PRMT8: variants seen among roughly 807,000 people sequenced by gnomAD.
The protein encoded by PRMT8 is protein arginine methyltransferase 8.
PRMT8 carries 7 observed loss-of-function variants against 47.1 expected under a neutral mutation model. That is an observed-to-expected ratio of 0.15 (90% CI 0.08 to 0.28). The LOEUF is 0.28. Ranked by LOEUF, PRMT8 falls within the 10% of genes least tolerant of loss-of-function variation. PRMT8 has a pLI of 1.00. For synonymous variants in PRMT8, 188 were observed against 186.5 expected, an observed-to-expected ratio of 1.01 and a Z score of -0.07; for missense variants, 237 against 505.4, an observed-to-expected ratio of 0.47 and a Z score of 5.09.
At chr12:3,573,996 T>G (rs996672763) in intron 6 of PRMT8, 2 of 152,190 alleles carry the variant, frequency 1.3e-5, no homozygotes, top group African/African-American at 4.8e-5. Context: ...AAAAAAAATC[T>G]AATCCCTTGG....
intron 1 of PRMT8, among the ~76,000 whole-genome samples, chr12:3,430,987 C>T (rs1372801836): frequency 6.6e-6 from 1 of 152,144 alleles, no homozygotes; most frequent in Non-Finnish European, 1.5e-5. Flanking sequence ...GGCAGGTGTG[C>T]TGGAGGTGAG....
chr12:3,555,640 C>T (rs1313428881), intron 4 of PRMT8, among the ~76,000 whole-genome samples: 3 of 152,094 alleles, frequency 2.0e-5, no homozygotes, highest in Non-Finnish European at 4.4e-5. Flanking sequence ...TGGAATAAGT[C>T]GCAAGCAAGA....
intron 1 of PRMT8, among the ~76,000 whole-genome samples, chr12:3,478,952 C>T (rs577483136): frequency 6.6e-6 from 1 of 152,334 alleles, no homozygotes; most frequent in African/African-American, 2.4e-5. Flanking sequence ...CTGTTGGAGG[C>T]TGTACGTGCT....
Position 3,572,580 on chromosome 12 carries a change from G to C in PRMT8, c.712+3016G>C, listed in dbSNP as rs1178425492. Among the ~76,000 whole-genome samples, 1 of 152,218 alleles carries C rather than the reference G, an allele frequency of 6.6e-6. No individual in the cohort carries two copies. Among genetic ancestry groups the C allele is most frequent in the Non-Finnish European group, 1.5e-5 (1 of 68,034 alleles). ...GGCCCTCTTGGATGGCTCAGCTGCT[G>C]TCTGTGGGCTTCACTTCCACTCATG... On this transcript the variant is annotated intron_variant, in intron 6 of 9. Coordinates refer to ENST00000382622, the MANE Select transcript of PRMT8 (RefSeq NM_019854.5). This position sits in a 1 kb window ranked among gnomAD's most constrained non-coding sequence, Gnocchi z 5.9.
At chr12:3,382,916 T>C (rs1864106465) in intron 1 of PRMT8, among the ~76,000 whole-genome samples, 2 of 152,228 alleles carry the variant, frequency 1.3e-5, no homozygotes, top group African/African-American at 2.4e-5. Flanking sequence ...GGGAGCTTTT[T>C]TCTCTTGTAG....
intron 1 of PRMT8, among the ~76,000 whole-genome samples, chr12:3,404,162 T>C (rs1179755395): frequency 2.0e-5 from 3 of 152,176 alleles, no homozygotes; most frequent in African/African-American, 7.2e-5. Context: ...TACCTTCCCA[T>C]TGATAATTAT....
At chr12:3,435,801 C>T (rs536470230) in intron 1 of PRMT8, among the ~76,000 whole-genome samples, 45 of 152,198 alleles carry the variant, frequency 3.0e-4, no homozygotes, top group African/African-American at 1.1e-3. Context: ...ATTACAGGCG[C>T]GAGCCACCAC....
intron 1 of PRMT8, among the ~76,000 whole-genome samples, chr12:3,458,785 C>T (rs1034463595): frequency 1.3e-5 from 2 of 152,178 alleles, no homozygotes; most frequent in African/African-American, 4.8e-5. Context: ...TCACCCCAGT[C>T]ATCACTGTGG....
In PRMT8 at chr12:3,409,235, G is replaced by T. The variant is rs1365935706; in HGVS notation, c.48+27793G>T. The stretch of plus-strand genomic sequence containing the variant: ...CAGGCCCTGCTGGATTTTTAACTAT[G>T]ACCCTGACTCTGGGGTGCAGGGCAC... On this transcript the variant is annotated intron_variant, in intron 1 of 9. Transcript: ENST00000452611. This position sits in a 1 kb window ranked among gnomAD's most constrained non-coding sequence, Gnocchi z 4.4. Among the ~76,000 whole-genome samples, 2 of 152,126 alleles carry T rather than the reference G, an allele frequency of 1.3e-5. No individual in the cohort carries two copies. The highest frequency in any genetic ancestry group is 4.8e-5 in the African/African-American group (2 of 41,432).
chr12:3,410,063 T>C (rs1197079685), intron 1 of PRMT8, among the ~76,000 whole-genome samples: 1 of 152,228 alleles, frequency 6.6e-6, no homozygotes, highest in Non-Finnish European at 1.5e-5. Flanking sequence ...ATTTCTGGAA[T>C]GTTCACCAAG....
At chr12:3,491,838 G>C (rs1865411173) in intron 1 of PRMT8, 138 bp downstream of exon 1, 2 of 73,714 alleles carry the variant, frequency 2.7e-5, no homozygotes, top group East Asian at 1.6e-4. Flanking sequence ...CCTCCTGTGT[G>C]TGTGTGTGTG....
intron 1 of PRMT8, among the ~76,000 whole-genome samples, chr12:3,522,555 T>G (rs1246459484): frequency 6.6e-6 from 1 of 151,416 alleles, no homozygotes; most frequent in African/African-American, 2.4e-5. Context: ...TCCCAGTTAC[T>G]TGAGAGGCTG....
chr12:3,506,765 G>A (rs1415172139), intron 1 of PRMT8, among the ~76,000 whole-genome samples: 1 of 152,148 alleles, frequency 6.6e-6, no homozygotes, highest in Non-Finnish European at 1.5e-5. Context: ...GCTTCTCTCA[G>A]GCTTGACACA....
intron 1 of PRMT8, among the ~76,000 whole-genome samples, chr12:3,433,509 G>A (rs917587): frequency 0.65 from 98,894 of 152,192 alleles, 36,955 homozygotes; most frequent in East Asian, 0.92. Context: ...GAGGCACTGA[G>A]CAGTTACGTA....
At chr12:3,452,512 G>A (rs929724502) in intron 1 of PRMT8, among the ~76,000 whole-genome samples, 2 of 152,194 alleles carry the variant, frequency 1.3e-5, no homozygotes, top group African/African-American at 4.8e-5. Flanking sequence ...AGCTGCCCTG[G>A]GCTGGGGGAT....
chr12:3,410,364 G>C (rs1864414862), intron 1 of PRMT8, among the ~76,000 whole-genome samples: 1 of 152,166 alleles, frequency 6.6e-6, no homozygotes, highest in Non-Finnish European at 1.5e-5. Context: ...ATTGACAGAG[G>C]CTCCCAGCTT....
intron 1 of PRMT8, among the ~76,000 whole-genome samples, chr12:3,451,059 G>A (rs957251433): frequency 5.7e-4 from 15 of 26,422 alleles, no homozygotes; most frequent in East Asian, 1.4e-3. Flanking sequence ...CCCCCCCGCC[G>A]AAAGGTTTTG....
intron 1 of PRMT8, among the ~76,000 whole-genome samples, chr12:3,444,584 A>C (rs916373452): frequency 6.6e-6 from 1 of 152,184 alleles, no homozygotes; most frequent in African/African-American, 2.4e-5. Context: ...GTTAGAGGGG[A>C]AATTTAGAGG....
chr12:3,509,771 C>CTTT (rs1190020514), intron 1 of PRMT8, among the ~76,000 whole-genome samples: 2 of 152,228 alleles, frequency 1.3e-5, no homozygotes, highest in African/African-American at 4.8e-5. Context: ...TCCATCTGAC[C>CTTT]TAAAGCAAGT....
Sources: allele counts gnomAD v4.1 joint callset (sites outside exome capture counted in the v4.1 genomes callset), GRCh38; gene constraint gnomAD v4.1.1; non-coding constraint Gnocchi (gnomAD v3.1); transcripts MANE v1.5; gene names NCBI Gene and HGNC (gene_info 2026-07-23, HGNC 2026-07-21).